ATAD2B: variants seen among roughly 807,000 people sequenced by gnomAD.
The protein encoded by ATAD2B is ATPase family AAA domain-containing protein 2B.
ATAD2B carries 40 observed loss-of-function variants against 167.6 expected under a neutral mutation model. That is an observed-to-expected ratio of 0.24 (90% CI 0.19 to 0.31). The LOEUF is 0.31. ATAD2B is among the 10% of genes least tolerant of loss of function. The pLI is 1.00. For synonymous variants in ATAD2B, 579 were observed against 596.5 expected (o/e 0.97, Z 0.43); for missense variants, 1,242 against 1,757.2 (o/e 0.71, Z 5.24).
intron 10 of ATAD2B, chr2:23,866,045 A>C: frequency 2.5e-6 from 1 of 404,446 alleles, no homozygotes; most frequent in Non-Finnish European, 3.3e-6. Context: ...CAGAAAAATA[A>C]AAACAAGTTA....
At position 23,810,500 on chromosome 2, in the gene ATAD2B, G is replaced by C; in HGVS notation, c.2270C>G (p.Ser757Ter). Residue 757 changes from serine (S) to a stop codon, truncating the protein, a stop_gained and splice_region_variant, in exon 18 of 28, where the codon TCA becomes TGA. Coordinates refer to ENST00000238789, the MANE Select transcript of ATAD2B (RefSeq NM_017552.4). LOFTEE classifies it high-confidence loss of function. ...IHKPYLHFTMSPYHQPTSYRP... is the reference protein window; with the variant it reads ...IHKPYLHFTM ...GTAAGAGGTTGGCTGATGATATGGT[G>C]ACCTGTAATACATGTAAGACATAAT... 1 of 1,612,122 alleles carries C rather than the reference G, an allele frequency of 6.2e-7. No individual in the cohort carries two copies. Among genetic ancestry groups the C allele is most frequent in the Non-Finnish European group, 8.5e-7 (1 of 1,178,352 alleles).
At chr2:23,874,449 T>C (rs1312440217) in intron 8 of ATAD2B, among the ~76,000 whole-genome samples, 1 of 152,134 alleles carries the variant, frequency 6.6e-6, no homozygotes, top group Non-Finnish European at 1.5e-5. Flanking sequence ...CTGGGCACAG[T>C]AGCTCATGCC....
the ATAD2B span, chr2:23,708,560 CT>C: frequency 6.6e-6 from 1 of 152,110 alleles, no homozygotes; most frequent in African/African-American, 2.4e-5. Flanking sequence ...TATATGTTTA[CT>C]GTTAAGTTCT....
chr2:23,696,245 A>C, the ATAD2B span: 1 of 1,490,564 alleles, frequency 6.7e-7, no homozygotes, highest in Non-Finnish European at 9.1e-7. This position sits in a 1 kb window ranked among gnomAD's most constrained non-coding sequence, Gnocchi z 5.5. Flanking sequence ...TTGCAGGTGA[A>C]GCCTTCCTCT....
chr2:23,837,519 C>T (rs940683335), intron 13 of ATAD2B, among the ~76,000 whole-genome samples: 3 of 152,184 alleles, frequency 2.0e-5, no homozygotes, highest in Non-Finnish European at 2.9e-5. Flanking sequence ...CCCATCCCAC[C>T]GACTCAAAAG....
chr2:23,832,079 A>G (rs930701580), intron 14 of ATAD2B: 1 of 344,730 alleles, frequency 2.9e-6, no homozygotes, highest in African/African-American at 2.2e-5. Context: ...GATAAATACA[A>G]TGACGAATTT....
chr2:23,860,928 G>A (rs542216901), intron 12 of ATAD2B, among the ~76,000 whole-genome samples: 161 of 152,158 alleles, frequency 1.1e-3, no homozygotes, highest in African/African-American at 3.6e-3. Flanking sequence ...CCAAGATCAC[G>A]CCATTGCACT....
intron 19 of ATAD2B, among the ~76,000 whole-genome samples, chr2:23,797,898 G>A (rs949362296): frequency 6.6e-6 from 1 of 151,966 alleles, no homozygotes; most frequent in Non-Finnish European, 1.5e-5. Flanking sequence ...ATATAATTCA[G>A]GTTTTGTTCT....
chr2:23,847,856 G>T (rs1691922614), intron 13 of ATAD2B, among the ~76,000 whole-genome samples: 1 of 151,276 alleles, frequency 6.6e-6, no homozygotes, highest in African/African-American at 2.4e-5. Flanking sequence ...AGCCAGGCGT[G>T]GTGGCACGCA....
In ATAD2B at chr2:23,757,825, C is replaced by T. The variant is rs1572635165; in HGVS notation, c.3671G>A (p.Gly1224Glu). The change falls in exon 25 of 28, where the codon GGA becomes GAA. Residue 1224 changes from glycine (G) to glutamate (E), a missense_variant. By Grantham distance (98) the Gly-to-Glu change is moderately conservative (BLOSUM62 -2). Transcript: ENST00000238789. Reference protein sequence around the residue: ...DLDQGQRLNNGAGTKENFAST... With the variant: ...DLDQGQRLNNEAGTKENFAST... ...TGCAAAGTTCTCTTTTGTGCCTGCTCCATTGTTAAGCCTCTGCCCCTGGTC... is the reference window on the plus strand; with the variant it reads ...TGCAAAGTTCTCTTTTGTGCCTGCTTCATTGTTAAGCCTCTGCCCCTGGTC... The T allele has an allele frequency of 5.7e-6, 9 of 1,572,624 alleles. No individual in the cohort carries two copies. The highest frequency in any genetic ancestry group is 1.4e-5 in the African/African-American group (1 of 72,868).
At chr2:23,694,599 TCTC>T in the ATAD2B span, among the ~76,000 whole-genome samples, 1 of 152,056 alleles carries the variant, frequency 6.6e-6, no homozygotes, top group Admixed American at 6.6e-5. Context: ...CCCCAGCCTC[TCTC>T]CTCTCACTTC....
chr2:23,810,415 T>C lies in ATAD2B; in HGVS notation c.2355A>G (p.Pro785=), dbSNP rs907015185. 1.2e-6 allele frequency: 2 copies of C among 1,613,946 alleles called. No individual in the cohort carries two copies. The highest frequency in any genetic ancestry group is 1.7e-6 in the Non-Finnish European group (2 of 1,179,828). Residue 785 remains proline (P), a synonymous_variant, in exon 18 of 28, where the codon CCA becomes CCG. Transcript: ENST00000238789. ...RGSGQTSHLA[P]ALLHTLERFS... is the part of the protein sequence containing the mutation. ...ATCTTTCTAGAGTGTGCAAAAGTGC[T>C]GGAGCAAGGTGAGAAGTTTGACCTG... is the stretch of plus-strand genomic sequence containing the variant.
At chr2:23,713,751 TC>T in the ATAD2B span, among the ~76,000 whole-genome samples, 6 of 152,218 alleles carry the variant, frequency 3.9e-5, no homozygotes, top group Admixed American at 3.9e-4. Flanking sequence ...AGCACTTCAT[TC>T]TTTTATGGCT....
chr2:23,917,779 C>G (rs1703263418), intron 1 of ATAD2B, among the ~76,000 whole-genome samples: 1 of 151,698 alleles, frequency 6.6e-6, no homozygotes, highest in Non-Finnish European at 1.5e-5. Context: ...AAAAATATAG[C>G]CAGGCGCGGT....
chr2:23,891,468 C>T (rs1257060511), intron 2 of ATAD2B, among the ~76,000 whole-genome samples: 3 of 151,756 alleles, frequency 2.0e-5, no homozygotes, highest in Admixed American at 6.6e-5. Flanking sequence ...ATTTTTTTCC[C>T]TGTATCGTTT....
the ATAD2B span, chr2:23,695,679 G>A: frequency 6.4e-7 from 1 of 1,551,594 alleles, no homozygotes; most frequent in Non-Finnish European, 8.7e-7. The surrounding 1 kb of genome is among the most constrained non-coding windows in gnomAD (Gnocchi z 7.6). Flanking sequence ...CCAGCTACCT[G>A]CTCAATGTGG....
At chr2:23,777,852 C>T (rs888306689) in intron 22 of ATAD2B, among the ~76,000 whole-genome samples, 2 of 152,082 alleles carry the variant, frequency 1.3e-5, no homozygotes, top group Non-Finnish European at 2.9e-5. Flanking sequence ...CTTCTTGTTC[C>T]CATCATTTAA....
At chr2:23,737,293 C>A in the ATAD2B span, among the ~76,000 whole-genome samples, 1 of 152,210 alleles carries the variant, frequency 6.6e-6, no homozygotes, top group African/African-American at 2.4e-5. Context: ...CTGGGAGGCA[C>A]TCCCAGTAGG....
At chr2:23,794,526 T>C (rs1682299977) in intron 19 of ATAD2B, among the ~76,000 whole-genome samples, 3 of 152,214 alleles carry the variant, frequency 2.0e-5, no homozygotes, top group Admixed American at 2.0e-4. Flanking sequence ...GGACCACACT[T>C]TGATAACAGC....
Sources: gnomAD v4.1 joint callset for allele counts (sites outside exome capture counted in the v4.1 genomes callset) on GRCh38, gnomAD v4.1.1 for gene constraint, Gnocchi (gnomAD v3.1) non-coding constraint, MANE v1.5 for transcripts, NCBI Gene and HGNC (gene_info 2026-07-23, HGNC 2026-07-21) for gene names.